The following ANO7 variants were observed in gnomAD, a reference collection of about 807,000 sequenced individuals.
The protein encoded by ANO7 is anoctamin-7.
In ANO7, 114 loss-of-function variants were observed where a neutral mutation model predicts 115.8. The ratio of observed to expected loss-of-function variants is 0.98; its 90% CI spans 0.85 to 1.15. The LOEUF is 1.15. Ranked by LOEUF, ANO7 falls within the 50% of genes most tolerant of loss-of-function variation. ANO7 has a pLI of 0.00. For missense variants in ANO7, 1,302 were observed against 1,201.2 expected (o/e 1.08, Z -1.24); for synonymous variants, 550 against 498.2 (o/e 1.10, Z -1.38).
chr2:241,213,545 C>T (rs1214828967), intron 17 of ANO7, among the ~76,000 whole-genome samples: 2 of 152,214 alleles, frequency 1.3e-5, no homozygotes, highest in Non-Finnish European at 2.9e-5. Context: ...GAAGTAGTCT[C>T]CACTGTGCCA....
At chr2:241,196,169 C>A (rs1277829867) in intron 4 of ANO7, 5 of 1,279,736 alleles carry the variant, frequency 3.9e-6, no homozygotes, top group Non-Finnish European at 5.0e-6. Context: ...GTAGGCGTGT[C>A]ATTTGTGTTT....
chr2:241,210,429 C>G lies in ANO7; in HGVS notation c.1458+36C>G, dbSNP rs373922187. Reference sequence around the variant, plus strand: ...GCTGCCTGCCTCGGGGGGCCCTGAGCGGCCCCTCATCCGGCTCTGACGGCC... The same window carrying G: ...GCTGCCTGCCTCGGGGGGCCCTGAGGGGCCCCTCATCCGGCTCTGACGGCC... On this transcript the variant is annotated intron_variant, in intron 14 of 24. Transcript: ENST00000674324. 4 of 1,612,686 alleles carry G rather than the reference C, an allele frequency of 2.5e-6. No individual in the cohort carries two copies. In the East Asian group the frequency reaches 8.9e-5, roughly 36 times the overall value.
Position 241,214,998 on chromosome 2 carries a change from A to G in ANO7, c.1826+96A>G. ...CTCCAGCCCGGCCCTAGCTGGGAGA[A>G]GAGGTGAAGGGAAGGCACCTTGCCT... On this transcript the variant is annotated intron_variant, in intron 18 of 24. Transcript: ENST00000674324. The G allele has an allele frequency of 2.3e-5, 27 of 1,181,760 alleles. 1 individual carries two copies. The South Asian group carries it at 3.9e-4, about 17-fold the overall frequency. 73.2% of individuals were successfully genotyped at this position (1,181,760 alleles called of 1,614,324 possible). A position where few individuals can be genotyped will look rare whatever the true frequency, so the allele number is the denominator to read the frequency against.
At chr2:241,223,350 C>T (rs775388329) in intron 22 of ANO7, 74 bp downstream of exon 22, 12 of 1,518,562 alleles carry the variant, frequency 7.9e-6, no homozygotes, top group South Asian at 4.5e-5. Flanking sequence ...AATTCGAGCA[C>T]GTGGTGAGGG....
chr2:241,220,080 ATT>A, intron 21 of ANO7, among the ~76,000 whole-genome samples: 1 of 152,146 alleles, frequency 6.6e-6, no homozygotes, highest in East Asian at 1.9e-4. Flanking sequence ...CATCAAATTT[ATT>A]TGTGTATTTT....
chr2:241,201,244 G>A lies in ANO7; in HGVS notation c.555-54G>A, dbSNP rs377201725. On this transcript the variant is annotated intron_variant, in intron 6 of 24. Coordinates refer to ENST00000674324, the MANE Select transcript of ANO7 (RefSeq NM_001370694.2). ...CAGCTTCCTCCAAACCTTCTGCACC[G>A]TTCACATGCCCACAGCTTCCTCCAA... 1.3e-4 allele frequency: 203 copies of A among 1,525,074 alleles called. 2 individuals are homozygous for A. In the African/African-American group the frequency reaches 2.8e-3, roughly 21 times the overall value. 94.5% of individuals were successfully genotyped at this position (1,525,074 alleles called of 1,614,324 possible).
intron 13 of ANO7, 126 bp downstream of exon 13, chr2:241,209,761 C>T (rs1029836350): frequency 3.5e-5 from 46 of 1,316,592 alleles, no homozygotes; most frequent in South Asian, 1.6e-4. Context: ...CCTCACTCCC[C>T]GCAGAGAGGC....
At chr2:241,195,545 C>A (rs569785948) in intron 3 of ANO7, among the ~76,000 whole-genome samples, 158 bp from the exon 4 acceptor site, 1 of 152,338 alleles carries the variant, frequency 6.6e-6, no homozygotes, top group Non-Finnish European at 1.5e-5. Context: ...GTCCTCCTAG[C>A]CCTGGCTGGG....
At position 241,209,826 on chromosome 2, in the gene ANO7, T is replaced by C. The variant is rs13403889; in HGVS notation, c.1359+191T>C. Among the ~76,000 whole-genome samples the C allele has an allele frequency of 0.075, 11,408 of 152,152 alleles. 924 individuals carry two copies. Among genetic ancestry groups the C allele is most frequent in the African/African-American group, 0.2 (8,155 of 41,494 alleles). On this transcript the variant is annotated intron_variant, in intron 13 of 24. Coordinates refer to ENST00000674324, the MANE Select transcript of ANO7 (RefSeq NM_001370694.2). ...CCCGGCTGAGAGCAGGTGTGAGTCA[T>C]ACGGAGGGCCTGGGAGGGTCTCCCC... is the stretch of plus-strand genomic sequence containing the variant.
At chr2:241,219,995 A>G (rs2068972013) in intron 21 of ANO7, among the ~76,000 whole-genome samples, 1 of 152,116 alleles carries the variant, frequency 6.6e-6, no homozygotes, top group Admixed American at 6.5e-5. Context: ...CAATCTCTCC[A>G]TCTTATTATT....
chr2:241,190,354 TCCTGG>T (rs1262127429), intron 2 of ANO7, among the ~76,000 whole-genome samples, 183 bp downstream of exon 2: 1 of 151,970 alleles, frequency 6.6e-6, no homozygotes, highest in African/African-American at 2.4e-5. Flanking sequence ...ATCACCGCTC[TCCTGG>T]CCTGGCCTGG....
chr2:241,199,579 C>CT (rs2068422284), intron 5 of ANO7, among the ~76,000 whole-genome samples, 156 bp downstream of exon 5: 1 of 152,240 alleles, frequency 6.6e-6, no homozygotes, highest in Admixed American at 6.5e-5. Context: ...AGAAACCTCA[C>CT]TGGGCAAACA....
At position 241,188,804 on chromosome 2, in the gene ANO7, AGGT is replaced by A. The variant is rs1285505916; in HGVS notation, c.-8+41_-8+43del. ...CCTAGACGTGTGGGCCACAGGGAGA[AGGT>A]GGAGCGTTGGACTCTAGGGAGGCAG... is the stretch of plus-strand genomic sequence containing the variant. On this transcript the variant is annotated intron_variant, in intron 1 of 24. Transcript: ENST00000674324. The surrounding 1 kb of genome is among the most constrained non-coding windows in gnomAD (Gnocchi z 4.3). 3 of 1,599,712 alleles carry A rather than the reference AGGT, an allele frequency of 1.9e-6. No individual in the cohort carries two copies. Among genetic ancestry groups the A allele is most frequent in the Admixed American group, 1.7e-5 (1 of 58,606 alleles).
the ANO7 span, chr2:241,240,271 C>T: frequency 1.4e-6 from 1 of 713,406 alleles, no homozygotes. The surrounding 1 kb of genome is among the most constrained non-coding windows in gnomAD (Gnocchi z 5.5). Context: ...CAAAATGGGG[C>T]TAGCACACCT....
chr2:241,203,568 C>A lies in ANO7; in HGVS notation c.889+70C>A. ...CTTGGTGTCAGGTTGTAACAATTTG[C>A]CAGTCCGTACCCCTGGAGGGCAGCG... is the stretch of plus-strand genomic sequence containing the variant. On this transcript the variant is annotated intron_variant, in intron 9 of 24. Coordinates refer to ENST00000674324, the MANE Select transcript of ANO7 (RefSeq NM_001370694.2). This position sits in a 1 kb window ranked among gnomAD's most constrained non-coding sequence, Gnocchi z 4.8. 1 of 1,173,926 alleles carries A rather than the reference C, an allele frequency of 8.5e-7. No homozygotes were observed. The highest frequency in any genetic ancestry group is 1.2e-6 in the Non-Finnish European group (1 of 866,396). The allele number at this position is 1,173,926 out of a possible 1,614,324, so 72.7% of individuals were successfully genotyped here.
intron 19 of ANO7, 64 bp downstream of exon 19, chr2:241,216,302 G>C: frequency 6.8e-7 from 1 of 1,475,512 alleles, no homozygotes; most frequent in Non-Finnish European, 9.0e-7. Flanking sequence ...TGGCCACTCT[G>C]CTCAAGGGCC....
intron 1 of ANO7, among the ~76,000 whole-genome samples, chr2:241,189,323 C>G (rs576202703): frequency 7.4e-4 from 112 of 152,262 alleles, no homozygotes; most frequent in Non-Finnish European, 1.1e-3. Context: ...AGAAGGCTGC[C>G]CCTCCGACCT....
intron 10 of ANO7, 148 bp downstream of exon 10, chr2:241,205,103 G>A: frequency 1.5e-6 from 1 of 667,980 alleles, no homozygotes; most frequent in East Asian, 2.7e-5. Context: ...CTGTCTTCAG[G>A]AGTGTCACAG....
intron 22 of ANO7, 39 bp from the exon 23 acceptor site, chr2:241,223,623 G>C: frequency 6.2e-7 from 1 of 1,602,828 alleles, no homozygotes; most frequent in African/African-American, 1.3e-5. Flanking sequence ...GGCCACTCTG[G>C]GCGTTTGGGT....
Sources: gnomAD v4.1 joint callset for allele counts (sites outside exome capture counted in the v4.1 genomes callset) on GRCh38, gnomAD v4.1.1 for gene constraint, Gnocchi (gnomAD v3.1) non-coding constraint, MANE v1.5 for transcripts, NCBI Gene and HGNC (gene_info 2026-07-23, HGNC 2026-07-21) for gene names.